The following CDH8 variants were observed in gnomAD, a reference collection of about 807,000 sequenced individuals.
CDH8 encodes cadherin-8.
A neutral mutation model predicts 68.1 loss-of-function variants in CDH8; 17 were observed. That is an observed-to-expected ratio of 0.25 (90% CI 0.17 to 0.37). The LOEUF (loss-of-function observed/expected upper bound fraction) is 0.37. Among genes scored for constraint, CDH8 ranks in the 10% least tolerant of loss-of-function variants. The pLI, the probability that CDH8 is intolerant of heterozygous loss-of-function variation, is 1.00. For synonymous variants in CDH8, 372 were observed against 365.1 expected, an observed-to-expected ratio of 1.02 and a Z score of -0.21; for missense variants, 763 against 999.3, an observed-to-expected ratio of 0.76 and a Z score of 3.19.
At chr16:61,698,045 A>C (rs1252648755) in intron 10 of CDH8, among the ~76,000 whole-genome samples, 2 of 152,122 alleles carry the variant, frequency 1.3e-5, no homozygotes, top group African/African-American at 4.8e-5. Context: ...CTAACATATA[A>C]GTTTTATAAA....
At chr16:61,893,419 T>A (rs1963813245) in intron 3 of CDH8, among the ~76,000 whole-genome samples, 2 of 143,016 alleles carry the variant, frequency 1.4e-5, no homozygotes, top group African/African-American at 5.9e-5. Context: ...TGTGTGAGTG[T>A]GTGTGTGTGT....
chr16:61,710,206 G>A (rs1024598583), intron 10 of CDH8, among the ~76,000 whole-genome samples: 1 of 152,044 alleles, frequency 6.6e-6, no homozygotes, highest in Non-Finnish European at 1.5e-5. Context: ...TTATCCTGGT[G>A]TCACAGATTA....
chr16:61,774,772 G>A (rs1191537649), intron 8 of CDH8, among the ~76,000 whole-genome samples: 1 of 152,076 alleles, frequency 6.6e-6, no homozygotes, highest in Non-Finnish European at 1.5e-5. Context: ...AACTATTTCT[G>A]CCCTTAGGAA....
At chr16:61,953,762 G>T (rs1013373610) in intron 2 of CDH8, among the ~76,000 whole-genome samples, 5 of 151,102 alleles carry the variant, frequency 3.3e-5, no homozygotes, top group Admixed American at 1.3e-4. Context: ...GCAGCTACTT[G>T]GGGGGCTGAG....
chr16:62,034,455 G>A (rs1284434716), intron 1 of CDH8, among the ~76,000 whole-genome samples: 1 of 152,084 alleles, frequency 6.6e-6, no homozygotes, highest in Non-Finnish European at 1.5e-5. Context: ...GCCCAAGGAG[G>A]GTTTTTAACC....
At chr16:61,783,379 G>A (rs1396931406) in intron 8 of CDH8, among the ~76,000 whole-genome samples, 1 of 147,400 alleles carries the variant, frequency 6.8e-6, no homozygotes, top group South Asian at 2.2e-4. Flanking sequence ...AGAAGGGAAG[G>A]TTAGAGAAAA....
chr16:61,898,030 G>A (rs931925933), intron 3 of CDH8, among the ~76,000 whole-genome samples: 15 of 152,024 alleles, frequency 9.9e-5, no homozygotes, highest in Non-Finnish European at 1.5e-4. Flanking sequence ...GGCCAGGCGC[G>A]GTGGTTCACA....
chr16:61,795,465 G>T (rs1596974554), intron 7 of CDH8, among the ~76,000 whole-genome samples: 1 of 152,066 alleles, frequency 6.6e-6, no homozygotes, highest in East Asian at 1.9e-4. Context: ...TATGGTTTTT[G>T]CTATCTCTTA....
intron 2 of CDH8, among the ~76,000 whole-genome samples, chr16:62,002,947 G>C (rs1293282344): frequency 6.6e-5 from 10 of 152,130 alleles, no homozygotes. Context: ...CAACTACTCG[G>C]GAAGCTGAGG....
chr16:61,891,888 A>C (rs1295110998), intron 3 of CDH8, among the ~76,000 whole-genome samples: 1 of 152,184 alleles, frequency 6.6e-6, no homozygotes, highest in African/African-American at 2.4e-5. Flanking sequence ...TCTCCTTTAA[A>C]AATAGAGAAG....
intron 1 of CDH8, chr16:62,032,005 C>G (rs1286065643): frequency 6.6e-6 from 1 of 152,198 alleles, no homozygotes; most frequent in Non-Finnish European, 1.5e-5. Flanking sequence ...AGATTCGCAT[C>G]ACAATTTTCT....
chr16:61,790,212 A>C (rs1198023290), intron 7 of CDH8, among the ~76,000 whole-genome samples: 1 of 152,114 alleles, frequency 6.6e-6, no homozygotes, highest in Non-Finnish European at 1.5e-5. Flanking sequence ...ACTCGTTCAG[A>C]TAAGAAAATA....
intron 4 of CDH8, among the ~76,000 whole-genome samples, chr16:61,855,759 T>TAA (rs977561499): frequency 3.3e-5 from 5 of 152,048 alleles, no homozygotes; most frequent in Non-Finnish European, 7.4e-5. Context: ...AGTATCGAAA[T>TAA]AAAAAACCAG....
At chr16:61,854,061 CAT>C (rs1175618349) in intron 4 of CDH8, among the ~76,000 whole-genome samples, 8 of 151,312 alleles carry the variant, frequency 5.3e-5, no homozygotes, top group Non-Finnish European at 7.4e-5. Flanking sequence ...TATATGTATA[CAT>C]ATATGTGTGA....
intron 7 of CDH8, among the ~76,000 whole-genome samples, chr16:61,795,764 G>T (rs1295938178): frequency 6.6e-6 from 1 of 152,066 alleles, no homozygotes; most frequent in African/African-American, 2.4e-5. Flanking sequence ...TCTTCGTGGT[G>T]TTTGTCTATA....
intron 7 of CDH8, among the ~76,000 whole-genome samples, chr16:61,812,850 T>G (rs918029646): frequency 3.3e-5 from 5 of 152,234 alleles, no homozygotes; most frequent in African/African-American, 9.6e-5. Flanking sequence ...TCGTCCTGCG[T>G]TTACGTGCTA....
intron 7 of CDH8, among the ~76,000 whole-genome samples, chr16:61,801,090 G>A (rs1961614735): frequency 6.6e-6 from 1 of 151,672 alleles, no homozygotes; most frequent in African/African-American, 2.4e-5. Flanking sequence ...AGAGAATACA[G>A]AAGCTTCACC....
At chr16:61,739,915 A>ATATATATATATATATATAT (rs373723105) in intron 8 of CDH8, among the ~76,000 whole-genome samples, 5 of 109,544 alleles carry the variant, frequency 4.6e-5, no homozygotes, top group African/African-American at 1.1e-4. Flanking sequence ...ATATATATGT[A>ATATATATATATATATATAT]TTTTTTTTTT....
At chr16:61,835,272 A>G (rs570485411) in intron 4 of CDH8, among the ~76,000 whole-genome samples, 1 of 151,920 alleles carries the variant, frequency 6.6e-6, no homozygotes, top group Non-Finnish European at 1.5e-5. Context: ...ACTTCCTTAC[A>G]TGTGAGTTTC....
Sources: allele counts gnomAD v4.1 joint callset (sites outside exome capture counted in the v4.1 genomes callset), GRCh38; gene constraint gnomAD v4.1.1; transcripts MANE v1.5; gene names NCBI Gene and HGNC (gene_info 2026-07-23, HGNC 2026-07-21).